C12orf42: variants seen among roughly 807,000 people sequenced by gnomAD.
The protein encoded by C12orf42 is uncharacterized protein C12orf42.
In C12orf42, 25 loss-of-function variants were observed where a neutral mutation model predicts 21.6. The observed-to-expected ratio is 1.16, with a 90% CI of 0.84 to 1.62. The LOEUF (loss-of-function observed/expected upper bound fraction) is 1.62. Among genes scored for constraint, C12orf42 ranks in the 40% most tolerant of loss-of-function variants. The pLI, the probability that C12orf42 is intolerant of heterozygous loss-of-function variation, is 0.00. For synonymous variants in C12orf42, 174 were observed against 175.0 expected (o/e 0.99, Z 0.05); for missense variants, 483 against 459.3 (o/e 1.05, Z -0.47).
At chr12:103,225,672 G>A in the C12orf42 span, among the ~76,000 whole-genome samples, 6 of 152,106 alleles carry the variant, frequency 3.9e-5, no homozygotes, top group Admixed American at 2.6e-4. Flanking sequence ...CTGGGCAGGT[G>A]GGGATAACTA....
the C12orf42 span, among the ~76,000 whole-genome samples, chr12:103,552,874 T>A: frequency 1.3e-5 from 2 of 152,064 alleles, no homozygotes; most frequent in Admixed American, 1.3e-4. Context: ...AAGAGGCATA[T>A]CTTATGTGGC....
chr12:103,412,815 T>G (rs1021885122), intron 2 of C12orf42, among the ~76,000 whole-genome samples: 18 of 152,220 alleles, frequency 1.2e-4, no homozygotes, highest in Admixed American at 3.3e-4. Flanking sequence ...TGATGTTATT[T>G]GTTTTTTCTT....
At chr12:103,255,376 A>T (rs1290884357) in intron 10 of C12orf42, among the ~76,000 whole-genome samples, 1 of 152,126 alleles carries the variant, frequency 6.6e-6, no homozygotes, top group African/African-American at 2.4e-5. Context: ...GTCTCAACAA[A>T]CAAAAACAAA....
the C12orf42 span, among the ~76,000 whole-genome samples, chr12:103,561,475 C>T: frequency 6.6e-6 from 1 of 152,150 alleles, no homozygotes; most frequent in Non-Finnish European, 1.5e-5. Context: ...TGTAAACTCA[C>T]ACAGCAGAAG....
At chr12:103,369,060 A>T (rs1030242517) in intron 3 of C12orf42, 62 bp from the exon 4 acceptor site, 1 of 805,612 alleles carries the variant, frequency 1.2e-6, no homozygotes, top group Non-Finnish European at 2.0e-6. Flanking sequence ...AGAATAATTC[A>T]TGCCACCTAG....
chr12:103,193,120 C>A, the C12orf42 span, among the ~76,000 whole-genome samples: 1 of 151,672 alleles, frequency 6.6e-6, no homozygotes, highest in Non-Finnish European at 1.5e-5. Flanking sequence ...TGTGAAAATT[C>A]ACCAACACAT....
chr12:103,453,533 A>G (rs9669745), intron 2 of C12orf42, among the ~76,000 whole-genome samples: 119,758 of 151,822 alleles, frequency 0.79, 47,619 homozygotes, highest in East Asian at 0.87. Flanking sequence ...TTTTGGTTTA[A>G]TGAGCTTTTC....
At chr12:103,410,101 C>G (rs986621912) in intron 2 of C12orf42, among the ~76,000 whole-genome samples, 1 of 152,148 alleles carries the variant, frequency 6.6e-6, no homozygotes, top group East Asian at 1.9e-4. Flanking sequence ...ATCCAACATG[C>G]CAGCTGATGT....
rs1393622747 is a variant in C12orf42 at position 103,487,925 on chromosome 12, T to A, written c.-22+7977A>T. Among the ~76,000 whole-genome samples, 10 of 152,348 alleles carry A rather than the reference T, an allele frequency of 6.6e-5. No individual in the cohort carries two copies. The East Asian group carries it at 1.9e-3, about 29-fold the overall frequency. Reference sequence around the variant, plus strand: ...TCTTTATCCAATTTGCCAGTCTGTGTCTTTTAATTGGGGTATTTAGCCCAT... The same window carrying A: ...TCTTTATCCAATTTGCCAGTCTGTGACTTTTAATTGGGGTATTTAGCCCAT... On this transcript the variant is annotated intron_variant, in intron 1 of 5. Coordinates refer to ENST00000548883, the MANE Select transcript of C12orf42 (RefSeq NM_198521.5).
At chr12:103,114,128 C>T in the C12orf42 span, among the ~76,000 whole-genome samples, 1 of 151,904 alleles carries the variant, frequency 6.6e-6, no homozygotes, top group Non-Finnish European at 1.5e-5. Flanking sequence ...TTGTTCTTTC[C>T]CTCCCAGTAG....
chr12:103,050,954 T>G, the C12orf42 span, among the ~76,000 whole-genome samples: 3 of 152,184 alleles, frequency 2.0e-5, no homozygotes, highest in Non-Finnish European at 2.9e-5. Context: ...TTCTTTCCTA[T>G]ACGACAATCA....
rs190239544 is a variant in C12orf42, at chr12:103,341,309, C to T, written c.259+27578G>A. On this transcript the variant is annotated intron_variant, in intron 4 of 5. Coordinates refer to ENST00000548883, the MANE Select transcript of C12orf42 (RefSeq NM_198521.5). ...GCTGAAGGCTATAGTACACTATGATCGCACCTGTGAATAGCTACTATATCC... is the reference window on the plus strand; with the variant it reads ...GCTGAAGGCTATAGTACACTATGATTGCACCTGTGAATAGCTACTATATCC... Among the ~76,000 whole-genome samples the T allele has an allele frequency of 1.6e-3, 237 of 152,026 alleles. 1 individual carries two copies. The highest frequency in any genetic ancestry group is 5.5e-3 in the African/African-American group (230 of 41,474).
At chr12:103,149,091 C>T in the C12orf42 span, among the ~76,000 whole-genome samples, 1 of 152,178 alleles carries the variant, frequency 6.6e-6, no homozygotes, top group African/African-American at 2.4e-5. Flanking sequence ...TAAATATTTA[C>T]TTGTCTTCAG....
At chr12:103,116,898 A>T in the C12orf42 span, among the ~76,000 whole-genome samples, 1 of 152,018 alleles carries the variant, frequency 6.6e-6, no homozygotes, top group East Asian at 2.0e-4. Flanking sequence ...TTTAAATTTA[A>T]TTTTATCTTT....
At chr12:103,340,794 C>T (rs2042089698) in intron 4 of C12orf42, among the ~76,000 whole-genome samples, 1 of 151,980 alleles carries the variant, frequency 6.6e-6, no homozygotes, top group Non-Finnish European at 1.5e-5. Flanking sequence ...TTAAACATTG[C>T]AGAAAGAAAG....
intron 10 of C12orf42, among the ~76,000 whole-genome samples, chr12:103,257,947 T>C (rs1353527076): frequency 1.3e-5 from 2 of 152,000 alleles, no homozygotes; most frequent in Non-Finnish European, 1.5e-5. Context: ...TAAAATCCTA[T>C]GGTCATCTAG....
chr12:103,404,118 T>G (rs1593845000), intron 2 of C12orf42, among the ~76,000 whole-genome samples: 1 of 152,172 alleles, frequency 6.6e-6, no homozygotes, highest in Non-Finnish European at 1.5e-5. Flanking sequence ...ATTATCTTGG[T>G]TTTTAAATTT....
the C12orf42 span, among the ~76,000 whole-genome samples, chr12:103,094,220 G>A: frequency 6.6e-6 from 1 of 152,142 alleles, no homozygotes. Flanking sequence ...GCCCTTTGCT[G>A]TCAGGCTAAC....
chr12:103,101,604 C>A, the C12orf42 span, among the ~76,000 whole-genome samples: 1 of 152,188 alleles, frequency 6.6e-6, no homozygotes, highest in Non-Finnish European at 1.5e-5. Context: ...CTGCTATCAT[C>A]CATGTCTAGA....
Sources: gnomAD v4.1 joint callset for allele counts (sites outside exome capture counted in the v4.1 genomes callset) on GRCh38, gnomAD v4.1.1 for gene constraint, MANE v1.5 for transcripts, NCBI Gene and HGNC (gene_info 2026-07-23, HGNC 2026-07-21) for gene names.